C8orf34: variants seen among roughly 807,000 people sequenced by gnomAD.
C8orf34 encodes the protein chromosome 8 open reading frame 34.
A neutral mutation model predicts 68.3 loss-of-function variants in C8orf34; 65 were observed. That is an observed-to-expected ratio of 0.95 (90% CI 0.78 to 1.17). C8orf34 has a LOEUF of 1.17. C8orf34 is among the 50% of genes most tolerant of loss of function. The pLI is 0.00. For synonymous variants in C8orf34, 244 were observed against 241.2 expected, an observed-to-expected ratio of 1.01 and a Z score of -0.11; for missense variants, 664 against 655.4, an observed-to-expected ratio of 1.01 and a Z score of -0.14.
intron 10 of C8orf34, among the ~76,000 whole-genome samples, chr8:68,756,852 T>C (rs2129527837): frequency 6.6e-6 from 1 of 152,340 alleles, no homozygotes; most frequent in East Asian, 1.9e-4. Flanking sequence ...ACTAGCTTGT[T>C]GCTCTATGAA....
chr8:68,438,526 A>T (rs1263108127), intron 1 of C8orf34: 1 of 152,118 alleles, frequency 6.6e-6, no homozygotes, highest in Non-Finnish European at 1.5e-5. Flanking sequence ...TTAATATCTG[A>T]TTTTTTGAGC....
intron 7 of C8orf34, among the ~76,000 whole-genome samples, chr8:68,612,706 A>C (rs908126758): frequency 6.6e-6 from 1 of 152,150 alleles, no homozygotes; most frequent in Non-Finnish European, 1.5e-5. Context: ...TTTAGAAAAT[A>C]AAATATCAAT....
intron 7 of C8orf34, chr8:68,534,025 C>T: frequency 1.0e-6 from 1 of 976,952 alleles, no homozygotes; most frequent in Non-Finnish European, 1.2e-6. Flanking sequence ...TATGGAATCT[C>T]AGAAAAATAT....
chr8:68,742,031 G>A (rs1427969549), intron 10 of C8orf34, among the ~76,000 whole-genome samples: 1 of 152,072 alleles, frequency 6.6e-6, no homozygotes, highest in African/African-American at 2.4e-5. Flanking sequence ...TCATGCCTGT[G>A]GCCATACCTG....
chr8:68,624,271 CAAA>C (rs35851704), intron 7 of C8orf34, among the ~76,000 whole-genome samples: 3 of 81,086 alleles, frequency 3.7e-5, no homozygotes, highest in African/African-American at 4.3e-5. Context: ...GGCTCTGTCT[CAAA>C]AAAAAAAAAA....
intron 1 of C8orf34, among the ~76,000 whole-genome samples, chr8:68,357,731 A>G (rs1425889282): frequency 6.6e-6 from 1 of 152,244 alleles, no homozygotes; most frequent in African/African-American, 2.4e-5. Context: ...CAAGAACCAC[A>G]CTGATTAAAA....
intron 9 of C8orf34, among the ~76,000 whole-genome samples, chr8:68,711,660 A>G (rs957097255): frequency 1.3e-5 from 2 of 152,174 alleles, no homozygotes; most frequent in Non-Finnish European, 2.9e-5. Flanking sequence ...CCTCCAATGA[A>G]CAAAGTCTCC....
intron 7 of C8orf34, chr8:68,625,627 A>G (rs969378819): frequency 2.8e-6 from 2 of 702,032 alleles, no homozygotes. Flanking sequence ...ATCCTGTGGC[A>G]TGTGGCTTGC....
chr8:68,384,202 A>AT (rs1289723085), intron 1 of C8orf34, among the ~76,000 whole-genome samples: 2 of 152,264 alleles, frequency 1.3e-5, no homozygotes, highest in Non-Finnish European at 2.9e-5. Flanking sequence ...CAATGTCAAT[A>AT]TAGAGTTCTC....
rs940666782 is a variant in C8orf34, at chr8:68,754,081, G to A, written c.1405-22318G>A. ...ACCATGTTCTTTCAAGCAATTTTGT[G>A]AATGGATTAACTGGAAAAAAAAATC... On this transcript the variant is annotated intron_variant, in intron 10 of 13. Transcript: ENST00000518698. Among the ~76,000 whole-genome samples, 8 of 147,530 alleles carry A rather than the reference G, an allele frequency of 5.4e-5. No homozygotes were observed. The East Asian group carries it at 1.6e-3, about 29-fold the overall frequency.
intron 8 of C8orf34, among the ~76,000 whole-genome samples, chr8:68,685,931 A>T (rs1231313216): frequency 6.6e-6 from 1 of 151,732 alleles, no homozygotes; most frequent in Non-Finnish European, 1.5e-5. Context: ...AATGCTGATC[A>T]ATTAGAAGTA....
At chr8:68,658,769 A>C (rs1453721425) in intron 8 of C8orf34, among the ~76,000 whole-genome samples, 1 of 152,058 alleles carries the variant, frequency 6.6e-6, no homozygotes, top group Non-Finnish European at 1.5e-5. Flanking sequence ...TTTATGTCCA[A>C]TTTTGATTAA....
intron 1 of C8orf34, among the ~76,000 whole-genome samples, chr8:68,389,751 G>T (rs923154193): frequency 1.8e-4 from 28 of 152,056 alleles, no homozygotes; most frequent in African/African-American, 6.0e-4. Flanking sequence ...GTGATTTTTT[G>T]ATATATATGA....
intron 12 of C8orf34, among the ~76,000 whole-genome samples, chr8:68,799,646 T>C (rs528242238): frequency 9.2e-5 from 14 of 152,332 alleles, no homozygotes; most frequent in African/African-American, 2.6e-4. Flanking sequence ...TTGTGGATCT[T>C]GAAAAGTCAA....
intron 1 of C8orf34, among the ~76,000 whole-genome samples, chr8:68,426,802 G>A (rs1355991211): frequency 1.3e-5 from 2 of 151,778 alleles, no homozygotes; most frequent in African/African-American, 4.8e-5. Flanking sequence ...CCAGGAGGTA[G>A]ACGTTGCAGT....
chr8:68,543,031 CAAAG>C (rs1815752357), intron 7 of C8orf34, among the ~76,000 whole-genome samples: 1 of 152,014 alleles, frequency 6.6e-6, no homozygotes, highest in South Asian at 2.1e-4. Flanking sequence ...TTTCCATAAA[CAAAG>C]AAAACCAAGT....
chr8:68,682,203 A>C (rs1182896493), intron 8 of C8orf34, among the ~76,000 whole-genome samples: 1 of 152,170 alleles, frequency 6.6e-6, no homozygotes, highest in Non-Finnish European at 1.5e-5. Flanking sequence ...AATAGCTAAA[A>C]TAGTATAATT....
intron 10 of C8orf34, among the ~76,000 whole-genome samples, chr8:68,728,503 A>G (rs1821895939): frequency 6.6e-6 from 1 of 152,192 alleles, no homozygotes; most frequent in South Asian, 2.1e-4. Context: ...AATTTACTGT[A>G]TTAGTCTGTT....
At chr8:68,628,756 C>T (rs902102063) in intron 7 of C8orf34, among the ~76,000 whole-genome samples, 9 of 152,150 alleles carry the variant, frequency 5.9e-5, no homozygotes, top group Admixed American at 2.0e-4. Flanking sequence ...TGAAAATTCA[C>T]TCATCTCCCA....
Sources: allele counts gnomAD v4.1 joint callset (sites outside exome capture counted in the v4.1 genomes callset), GRCh38; gene constraint gnomAD v4.1.1; transcripts MANE v1.5; gene names NCBI Gene and HGNC (gene_info 2026-07-23, HGNC 2026-07-21).